The following PLCL1 variants were observed in gnomAD, a reference collection of about 807,000 sequenced individuals.
The protein encoded by PLCL1 is inactive phospholipase C-like protein 1.
Under a neutral mutation model 84.4 loss-of-function variants are expected in PLCL1, and 41 were observed. The observed-to-expected ratio is 0.49, with a 90% CI of 0.38 to 0.63. The LOEUF (loss-of-function observed/expected upper bound fraction) is 0.63, where lower values mean the gene tolerates loss of function less well. Among genes scored for constraint, PLCL1 ranks in the 30% least tolerant of loss-of-function variants. The pLI is 0.00. For synonymous variants in PLCL1, 490 were observed against 488.3 expected (o/e 1.00, Z -0.05); for missense variants, 1,206 against 1,367.8 (o/e 0.88, Z 1.87).
At chr2:197,958,796 C>T (rs533066231) in intron 1 of PLCL1, among the ~76,000 whole-genome samples, 1 of 152,112 alleles carries the variant, frequency 6.6e-6, no homozygotes, top group African/African-American at 2.4e-5. Flanking sequence ...ATGTACTCTA[C>T]TCTCAAGCAC....
intron 1 of PLCL1, among the ~76,000 whole-genome samples, chr2:197,918,980 C>A (rs2105752994): frequency 6.6e-6 from 1 of 151,906 alleles, no homozygotes; most frequent in African/African-American, 2.4e-5. Context: ...CTCACACACA[C>A]ACATACACAC....
chr2:197,970,109 G>A (rs554777539), intron 1 of PLCL1, among the ~76,000 whole-genome samples: 48 of 152,246 alleles, frequency 3.2e-4, no homozygotes, highest in African/African-American at 8.9e-4. Flanking sequence ...ACTCAAGACC[G>A]AGTAATTTAT....
intron 1 of PLCL1, among the ~76,000 whole-genome samples, chr2:198,004,945 CT>C (rs1440530944): frequency 1.3e-5 from 2 of 152,186 alleles, no homozygotes; most frequent in African/African-American, 4.8e-5. Flanking sequence ...AAAGTGCTTA[CT>C]GCTAATTTAG....
At chr2:197,968,025 C>G (rs1483475031) in intron 1 of PLCL1, among the ~76,000 whole-genome samples, 2 of 152,134 alleles carry the variant, frequency 1.3e-5, no homozygotes, top group African/African-American at 2.4e-5. Flanking sequence ...GAGAACATAG[C>G]CATTATTGAG....
intron 3 of PLCL1, among the ~76,000 whole-genome samples, chr2:198,091,492 C>T (rs1342191466): frequency 1.3e-5 from 2 of 151,588 alleles, no homozygotes; most frequent in African/African-American, 2.4e-5. Flanking sequence ...CCAGCCTGGC[C>T]AACATAGTGA....
At chr2:197,989,795 C>A (rs1037810319) in intron 1 of PLCL1, among the ~76,000 whole-genome samples, 1 of 152,104 alleles carries the variant, frequency 6.6e-6, no homozygotes, top group Admixed American at 6.5e-5. Flanking sequence ...TTGTGAATAG[C>A]TGCGATTTAG....
chr2:198,034,081 G>T (rs1168545241), intron 1 of PLCL1, among the ~76,000 whole-genome samples: 1 of 152,010 alleles, frequency 6.6e-6, no homozygotes, highest in Non-Finnish European at 1.5e-5. Flanking sequence ...GTACCATGTT[G>T]GTGTCCTGCA....
At chr2:198,008,300 C>T (rs777082181) in intron 1 of PLCL1, among the ~76,000 whole-genome samples, 1 of 152,062 alleles carries the variant, frequency 6.6e-6, no homozygotes, top group African/African-American at 2.4e-5. Flanking sequence ...TGTTGTGCAG[C>T]AGATTGCTAC....
intron 1 of PLCL1, among the ~76,000 whole-genome samples, chr2:197,909,711 G>A (rs898205453): frequency 1.5e-4 from 23 of 152,164 alleles, no homozygotes; most frequent in African/African-American, 5.3e-4. Context: ...CTGGAGAGTG[G>A]AGTTCTCTAG....
intron 1 of PLCL1, among the ~76,000 whole-genome samples, chr2:197,912,597 T>A (rs947911874): frequency 6.7e-6 from 1 of 149,854 alleles, no homozygotes; most frequent in African/African-American, 2.4e-5. Context: ...ATATACACCA[T>A]GGAATACTAT....
intron 1 of PLCL1, among the ~76,000 whole-genome samples, chr2:197,824,280 T>A (rs563679718): frequency 1.3e-5 from 2 of 152,256 alleles, no homozygotes; most frequent in Non-Finnish European, 2.9e-5. Flanking sequence ...CCAAACTGAT[T>A]GCACCTTACA....
intron 1 of PLCL1, among the ~76,000 whole-genome samples, chr2:197,854,968 G>A (rs1268124397): frequency 6.6e-6 from 1 of 152,150 alleles, no homozygotes; most frequent in Non-Finnish European, 1.5e-5. Context: ...TGTGGTCATT[G>A]TGAATATTCT....
chr2:198,018,457 A>T (rs1013486933), intron 1 of PLCL1, among the ~76,000 whole-genome samples: 2 of 152,092 alleles, frequency 1.3e-5, no homozygotes, highest in African/African-American at 4.8e-5. Context: ...ACCCCATGGA[A>T]CCCATCAAGC....
At chr2:197,858,043 G>C (rs1416707268) in intron 1 of PLCL1, among the ~76,000 whole-genome samples, 1 of 152,152 alleles carries the variant, frequency 6.6e-6, no homozygotes, top group Non-Finnish European at 1.5e-5. Flanking sequence ...TGAGAGAGAA[G>C]TACTTAGATA....
At chr2:198,096,190 C>T (rs1385744077) in intron 3 of PLCL1, among the ~76,000 whole-genome samples, 1 of 152,148 alleles carries the variant, frequency 6.6e-6, no homozygotes, top group East Asian at 1.9e-4. Flanking sequence ...GGGAAGTAGT[C>T]ACACGCAGTG....
intron 1 of PLCL1, among the ~76,000 whole-genome samples, chr2:198,078,412 T>C (rs756285300): frequency 1.3e-5 from 2 of 152,210 alleles, no homozygotes; most frequent in African/African-American, 2.4e-5. Flanking sequence ...AAAACCAGAA[T>C]GAATAGCATA....
chr2:197,850,013 G>GAC (rs1687197947), intron 1 of PLCL1, among the ~76,000 whole-genome samples: 1 of 119,936 alleles, frequency 8.3e-6, no homozygotes, highest in African/African-American at 3.2e-5. Context: ...CAGACACACA[G>GAC]ACACACAGAC....
At chr2:197,923,812 G>C (rs1175129149) in intron 1 of PLCL1, among the ~76,000 whole-genome samples, 1 of 151,980 alleles carries the variant, frequency 6.6e-6, no homozygotes, top group Non-Finnish European at 1.5e-5. Flanking sequence ...CAGGCGGCTG[G>C]GAGGTGTAGG....
chr2:197,806,859 C>CA (rs1690496942), intron 1 of PLCL1, among the ~76,000 whole-genome samples: 1 of 152,070 alleles, frequency 6.6e-6, no homozygotes. Context: ...TTGTAAAAAA[C>CA]AAAAGTAATG....
Sources: allele counts gnomAD v4.1 joint callset (sites outside exome capture counted in the v4.1 genomes callset), GRCh38; gene constraint gnomAD v4.1.1; transcripts MANE v1.5; gene names NCBI Gene and HGNC (gene_info 2026-07-23, HGNC 2026-07-21).